The following GRAMD4 variants were observed in gnomAD, a reference collection of about 807,000 sequenced individuals.
GRAMD4 encodes GRAM domain-containing protein 4.
In GRAMD4, 25 loss-of-function variants were observed where a neutral mutation model predicts 83.9. The ratio of observed to expected loss-of-function variants is 0.30; its 90% confidence interval spans 0.22 to 0.42. The LOEUF is 0.42. Ranked by LOEUF, GRAMD4 falls within the 10% of genes least tolerant of loss-of-function variation. GRAMD4 has a pLI of 1.00. For missense variants in GRAMD4, 593 were observed against 788.7 expected, an observed-to-expected ratio of 0.75 and a Z score of 2.97; for synonymous variants, 336 against 320.9, an observed-to-expected ratio of 1.05 and a Z score of -0.50.
chr22:46,674,796 C>T (rs767648113), intron 16 of GRAMD4, 46 bp downstream of exon 16: 2 of 1,360,074 alleles, frequency 1.5e-6, no homozygotes, highest in African/African-American at 1.4e-5. Context: ...GGAGGGGGCG[C>T]AGGAGGCTGC....
chr22:46,655,143 TG>T (rs1167533869), intron 3 of GRAMD4, among the ~76,000 whole-genome samples: 3 of 151,942 alleles, frequency 2.0e-5, no homozygotes, highest in Non-Finnish European at 4.4e-5. Context: ...GCAAAAGTCC[TG>T]GGGCAGGCCC....
At chr22:46,593,280 G>A (rs1288731537) in intron 1 of GRAMD4, among the ~76,000 whole-genome samples, 1 of 151,944 alleles carries the variant, frequency 6.6e-6, no homozygotes, top group Non-Finnish European at 1.5e-5. Context: ...CCTTTTCCCC[G>A]GAACCTCACA....
intron 7 of GRAMD4, 46 bp downstream of exon 7, chr22:46,663,909 G>A: frequency 1.2e-6 from 2 of 1,607,530 alleles, no homozygotes; most frequent in Non-Finnish European, 1.7e-6. Context: ...CTCAGTGTGG[G>A]TGGGGCCCAT....
chr22:46,615,585 G>T (rs1317548322), upstream of GRAMD4, among the ~76,000 whole-genome samples: 1 of 125,682 alleles, frequency 8.0e-6, no homozygotes, highest in African/African-American at 3.1e-5. Context: ...CCCTGTGCGT[G>T]TAGGTTCCCC....
At position 46,673,744 on chromosome 22, in the gene GRAMD4, C is replaced by T. The variant is rs1266405958; in HGVS notation, c.1314C>T (p.Arg438=). The change falls in exon 15 of 19, where the codon CGC becomes CGT. Residue 438 remains arginine (R), a synonymous_variant. Transcript: ENST00000406902. ...TGGGTAAAGAGGAGGACGCCGGTCG[C>T]TTCCACAGCACCAAGAAGGGCAATT... is the stretch of plus-strand genomic sequence containing the variant. ...AGLGKEEDAG[R]FHSTKKGNFH... is the part of the protein sequence containing the mutation. 3 of 1,613,040 alleles carry T rather than the reference C, an allele frequency of 1.9e-6. No homozygotes were observed. Among genetic ancestry groups the T allele is most frequent in the East Asian group, 2.2e-5 (1 of 44,874 alleles).
chr22:46,588,198 G>C (rs2081170182), intron 1 of GRAMD4, among the ~76,000 whole-genome samples: 1 of 152,108 alleles, frequency 6.6e-6, no homozygotes, highest in Non-Finnish European at 1.5e-5. Flanking sequence ...CACCCCATCT[G>C]CTTTGAGAAC....
upstream of GRAMD4, among the ~76,000 whole-genome samples, chr22:46,618,984 CAG>C (rs1158191021): frequency 6.6e-6 from 1 of 152,162 alleles, no homozygotes; most frequent in African/African-American, 2.4e-5. The surrounding 1 kb of genome is among the most constrained non-coding windows in gnomAD (Gnocchi z 5.8). Context: ...GAGGCCAGGT[CAG>C]GGGGCAGGGT....
At chr22:46,614,696 A>T (rs934266505) in intron 1 of GRAMD4, among the ~76,000 whole-genome samples, 9 of 152,008 alleles carry the variant, frequency 5.9e-5, no homozygotes, top group Non-Finnish European at 1.2e-4. Flanking sequence ...GGTAGTGCAC[A>T]TTTCATGATT....
chr22:46,676,829 C>T (rs1033066839), intron 18 of GRAMD4, among the ~76,000 whole-genome samples, 161 bp downstream of exon 18: 7 of 152,114 alleles, frequency 4.6e-5, no homozygotes, highest in Non-Finnish European at 8.8e-5. Flanking sequence ...CCTGGGGCTG[C>T]GTCCAGGTTG....
chr22:46,658,950 C>T (rs1423415295), intron 4 of GRAMD4, among the ~76,000 whole-genome samples: 1 of 152,110 alleles, frequency 6.6e-6, no homozygotes, highest in Non-Finnish European at 1.5e-5. Context: ...TCCTCCCTCA[C>T]CCTGCCCTGC....
rs1472574736 is a variant in GRAMD4 at position 46,620,880 on chromosome 22, G to T, written c.-50+315G>T. On this transcript the variant is annotated intron_variant, in intron 1 of 18. Transcript: ENST00000406902. This position sits in a 1 kb window ranked among gnomAD's most constrained non-coding sequence, Gnocchi z 4.7. Reference sequence around the variant, plus strand: ...GAAGCCCCTCAGAACCTGACAGGACGAGAGGAAGGGAGGCCGATCTGAGAG... The same window carrying T: ...GAAGCCCCTCAGAACCTGACAGGACTAGAGGAAGGGAGGCCGATCTGAGAG... Among the ~76,000 whole-genome samples the T allele has an allele frequency of 6.6e-6, 1 of 152,160 alleles. No individual in the cohort carries two copies. The highest frequency in any genetic ancestry group is 2.1e-4 in the South Asian group (1 of 4,816).
At chr22:46,643,168 C>G (rs1601620074) in intron 3 of GRAMD4, among the ~76,000 whole-genome samples, 3 of 150,972 alleles carry the variant, frequency 2.0e-5, no homozygotes, top group East Asian at 2.0e-4. Context: ...TCCATCCATC[C>G]ATCCATCCAT....
At chr22:46,624,916 A>G (rs1418906754) in intron 1 of GRAMD4, among the ~76,000 whole-genome samples, 1 of 145,282 alleles carries the variant, frequency 6.9e-6, no homozygotes, top group African/African-American at 2.6e-5. Flanking sequence ...GCTGGAGTGC[A>G]GTGGCGGGAT....
upstream of GRAMD4, among the ~76,000 whole-genome samples, chr22:46,576,761 G>C (rs1465015762): frequency 7.1e-6 from 1 of 139,992 alleles, no homozygotes; most frequent in Admixed American, 7.1e-5. Flanking sequence ...GTCCCGCGGG[G>C]CGCGGGCGAG....
intron 3 of GRAMD4, among the ~76,000 whole-genome samples, chr22:46,649,664 C>A (rs951174842): frequency 3.3e-5 from 5 of 152,264 alleles, no homozygotes; most frequent in Non-Finnish European, 5.9e-5. Context: ...AAGCTTGCTC[C>A]TTCCTGGTTA....
intron 14 of GRAMD4, among the ~76,000 whole-genome samples, 157 bp downstream of exon 14, chr22:46,673,154 A>G (rs1248234096): frequency 1.3e-5 from 2 of 151,258 alleles, no homozygotes; most frequent in Non-Finnish European, 2.9e-5. Context: ...TTTCCCTGTT[A>G]CCACTGCGGT....
chr22:46,631,036 G>A (rs1440282235), intron 2 of GRAMD4, among the ~76,000 whole-genome samples: 1 of 152,172 alleles, frequency 6.6e-6, no homozygotes, highest in African/African-American at 2.4e-5. Flanking sequence ...TCTCTCCACC[G>A]CCCCGAGGGG....
At chr22:46,580,726 AGGCCGAGGCG>A (rs1413062552) in intron 1 of GRAMD4, among the ~76,000 whole-genome samples, 1 of 152,206 alleles carries the variant, frequency 6.6e-6, no homozygotes, top group African/African-American at 2.4e-5. Context: ...ACACTTTGGG[AGGCCGAGGCG>A]GGCAGATCAC....
intron 5 of GRAMD4, among the ~76,000 whole-genome samples, chr22:46,662,504 G>A (rs887494200): frequency 6.6e-6 from 1 of 152,258 alleles, no homozygotes; most frequent in Non-Finnish European, 1.5e-5. Flanking sequence ...CTGGTCATCA[G>A]CACGACAACA....
Sources: gnomAD v4.1 joint callset for allele counts (sites outside exome capture counted in the v4.1 genomes callset) on GRCh38, gnomAD v4.1.1 for gene constraint, Gnocchi (gnomAD v3.1) non-coding constraint, MANE v1.5 for transcripts, NCBI Gene and HGNC (gene_info 2026-07-23, HGNC 2026-07-21) for gene names.